Variants in FASTKD2 observed in about 807,000 individuals in gnomAD.
FASTKD2 encodes FAST kinase domain-containing protein 2, mitochondrial.
A neutral mutation model predicts 63.6 loss-of-function variants in FASTKD2; 51 were observed. The ratio of observed to expected loss-of-function variants is 0.80; its 90% confidence interval spans 0.64 to 1.01. The LOEUF is 1.01. Among genes scored for constraint, FASTKD2 ranks in the 50% least tolerant of loss-of-function variants. FASTKD2 has a pLI of 0.00. For missense variants in FASTKD2, 786 were observed against 831.1 expected (o/e 0.95, Z 0.67); for synonymous variants, 284 against 293.4 (o/e 0.97, Z 0.33).
rs535596896 is a variant in FASTKD2, at chr2:206,767,324, C to G, written c.631C>G (p.Pro211Ala). ...TGAAAAACGACTGATGTTTAGCCAC[C>G]CTGCATTTAATCAGCTCTGTGAACA... ...RFEKRLMFSHPAFNQLCEHMM... is the reference protein window; with the variant it reads ...RFEKRLMFSHAAFNQLCEHMM... Residue 211 changes from proline to alanine, a missense_variant, in exon 2 of 12, where the codon CCT (proline) becomes GCT (alanine). Pro to Ala is a conservative substitution (Grantham distance 27). Transcript: ENST00000402774. 1 of 1,614,130 alleles carries G rather than the reference C, an allele frequency of 6.2e-7. No individual in the cohort carries two copies. The highest frequency in any genetic ancestry group is 2.2e-5 in the East Asian group (1 of 44,872).
At position 206,771,068 on chromosome 2, in the gene FASTKD2, C is replaced by A. The variant is rs373736857; in HGVS notation, c.882-114C>A. On this transcript the variant is annotated intron_variant, in intron 3 of 11. Transcript: ENST00000402774. Reference sequence around the variant, plus strand: ...ACTCTCTCAAGCAGGTAGATCATTTCTCTGGGCTTCATAATCCTTGCCTGT... The same window carrying A: ...ACTCTCTCAAGCAGGTAGATCATTTATCTGGGCTTCATAATCCTTGCCTGT... 1.3e-4 allele frequency: 92 copies of A among 688,350 alleles called. No individual in the cohort carries two copies. In the African/African-American group the frequency reaches 1.4e-3, roughly 10 times the overall value. 42.6% of individuals were successfully genotyped at this position (688,350 alleles called of 1,614,324 possible). A position where few individuals can be genotyped will look rare whatever the true frequency, so the allele number is the denominator to read the frequency against.
Position 206,793,284 on chromosome 2 carries a change from C to T in FASTKD2, c.*1482C>T, listed in dbSNP as rs1356481642. Among the ~76,000 whole-genome samples, 4 of 149,054 alleles carry T rather than the reference C, an allele frequency of 2.7e-5. No individual in the cohort carries two copies. The highest frequency in any genetic ancestry group is 2.7e-4 in the Admixed American group (4 of 14,956). On this transcript the variant is annotated 3_prime_UTR_variant, in exon 12 of 12. Coordinates refer to ENST00000402774, the MANE Select transcript of FASTKD2 (RefSeq NM_001136193.2). ...ACTATAGCAATATGACAACAGCTGC[C>T]AGGTTGTATCAATTTATCCAGCTTG...
At chr2:206,770,794 A>G (rs981062062) in intron 3 of FASTKD2, among the ~76,000 whole-genome samples, 3 of 152,108 alleles carry the variant, frequency 2.0e-5, no homozygotes, top group Non-Finnish European at 4.4e-5. Context: ...TATTTAATTC[A>G]GAATAGTTAT....
chr2:206,782,182 C>G (rs1424509591), intron 7 of FASTKD2, among the ~76,000 whole-genome samples: 1 of 152,150 alleles, frequency 6.6e-6, no homozygotes, highest in Non-Finnish European at 1.5e-5. Flanking sequence ...GCACACTCTA[C>G]TCTCTCCCTC....
rs1690361164 is a variant in FASTKD2, at chr2:206,793,734, G to A, written c.*1932G>A. Among the ~76,000 whole-genome samples, 1 of 152,066 alleles carries A rather than the reference G, an allele frequency of 6.6e-6. No individual in the cohort carries two copies. Among genetic ancestry groups the A allele is most frequent in the South Asian group, 2.1e-4 (1 of 4,822 alleles). ...ATTTTCAGTTTGTACTAGTTAACCT[G>A]GCAGATAAAAAGGCATCCCTCTTTT... On this transcript the variant is annotated 3_prime_UTR_variant, in exon 12 of 12. Coordinates refer to ENST00000402774, the MANE Select transcript of FASTKD2 (RefSeq NM_001136193.2).
chr2:206,767,151 G>T lies in FASTKD2; in HGVS notation c.458G>T (p.Arg153Leu). 1 of 1,614,120 alleles carries T rather than the reference G, an allele frequency of 6.2e-7. No individual in the cohort carries two copies. The highest frequency in any genetic ancestry group is 8.5e-7 in the Non-Finnish European group (1 of 1,179,960). Residue 153 changes from arginine to leucine, a missense_variant, in exon 2 of 12, where the codon CGT becomes CTT. Coordinates refer to ENST00000402774, the MANE Select transcript of FASTKD2 (RefSeq NM_001136193.2). ...DVLTKETKPN[R>L]ISSRKLSEEC... ...CTTACCAAGGAAACAAAACCAAACC[G>T]TATCAGCAGTAGAAAACTGTCTGAG...
At chr2:206,786,567 G>A in intron 7 of FASTKD2, 166 bp from the exon 8 acceptor site, 1 of 679,294 alleles carries the variant, frequency 1.5e-6, no homozygotes, top group Admixed American at 2.2e-5. Flanking sequence ...TACAGCAATA[G>A]CCAACATTTA....
chr2:206,786,211 A>C (rs1445095090), intron 7 of FASTKD2, among the ~76,000 whole-genome samples: 1 of 152,192 alleles, frequency 6.6e-6, no homozygotes. Flanking sequence ...GTGCTTAACC[A>C]CGTTATACTG....
chr2:206,776,129 A>AATAT (rs545093520), intron 7 of FASTKD2, among the ~76,000 whole-genome samples: 1 of 151,118 alleles, frequency 6.6e-6, no homozygotes, highest in Non-Finnish European at 1.5e-5. Flanking sequence ...ACATACTACA[A>AATAT]ATATATATAT....
chr2:206,790,737 A>G, intron 11 of FASTKD2, 51 bp downstream of exon 11: 1 of 1,067,432 alleles, frequency 9.4e-7, no homozygotes, highest in Non-Finnish European at 1.5e-6. Context: ...TGTACATTCT[A>G]ACAGCTGCCA....
intron 11 of FASTKD2, chr2:206,791,336 C>T (rs1239186359): frequency 1.1e-5 from 3 of 265,296 alleles, no homozygotes; most frequent in South Asian, 4.7e-5. Flanking sequence ...AAATGGATTA[C>T]GTGTGGACTA....
At chr2:206,779,317 CT>C (rs568861573) in intron 7 of FASTKD2, among the ~76,000 whole-genome samples, 2 of 151,282 alleles carry the variant, frequency 1.3e-5, no homozygotes, top group Non-Finnish European at 3.0e-5. Context: ...ATAGTTTGGT[CT>C]TTTTTTTTAA....
chr2:206,774,318 TC>T lies in FASTKD2; in HGVS notation c.1351del (p.Leu451Ter). 6.2e-7 allele frequency: 1 copy of T among 1,603,638 alleles called. No individual in the cohort carries two copies. Among genetic ancestry groups the T allele is most frequent in the Non-Finnish European group, 8.5e-7 (1 of 1,170,980 alleles). On this transcript the variant is annotated frameshift_variant, in exon 7 of 12. Coordinates refer to ENST00000402774, the MANE Select transcript of FASTKD2 (RefSeq NM_001136193.2). LOFTEE classifies it high-confidence loss of function. ...FMKRIVEDPE[S>X]LNMKNILSIL... Reference sequence around the variant, plus strand: ...GAAGAGAATAGTAGAGGATCCTGAATCCCTAAACATGAAAAACATTCTATCT... The same window carrying T: ...GAAGAGAATAGTAGAGGATCCTGAATCCTAAACATGAAAAACATTCTATCT...
At chr2:206,769,079 G>A (rs1298303557) in intron 2 of FASTKD2, among the ~76,000 whole-genome samples, 1 of 152,190 alleles carries the variant, frequency 6.6e-6, no homozygotes, top group Non-Finnish European at 1.5e-5. Flanking sequence ...CAAAACATCT[G>A]TATGGATGAT....
chr2:206,793,039 C>G lies in FASTKD2; in HGVS notation c.*1237C>G, dbSNP rs1442637672. On this transcript the variant is annotated 3_prime_UTR_variant, in exon 12 of 12. Transcript: ENST00000402774. ...GAGGTCAAGACAATCCTGGCCAACACGGTGAAACCCCATCTCTACTAAAAT... is the reference window on the plus strand; with the variant it reads ...GAGGTCAAGACAATCCTGGCCAACAGGGTGAAACCCCATCTCTACTAAAAT... Among the ~76,000 whole-genome samples, 1 of 151,818 alleles carries G rather than the reference C, an allele frequency of 6.6e-6. No individual in the cohort carries two copies. The highest frequency in any genetic ancestry group is 1.5e-5 in the Non-Finnish European group (1 of 67,962).
chr2:206,786,067 T>C (rs1690130443), intron 7 of FASTKD2, among the ~76,000 whole-genome samples: 1 of 152,230 alleles, frequency 6.6e-6, no homozygotes, highest in African/African-American at 2.4e-5. Flanking sequence ...ATGTATTTCT[T>C]TTTTTATATA....
intron 1 of FASTKD2, among the ~76,000 whole-genome samples, chr2:206,766,399 C>CT (rs1462345007): frequency 3.3e-5 from 5 of 151,836 alleles, no homozygotes; most frequent in African/African-American, 9.7e-5. Flanking sequence ...TTATGGAACG[C>CT]TTTTGCACCA....
In FASTKD2 at chr2:206,786,849, C is replaced by A; in HGVS notation, c.1544C>A (p.Pro515His). The A allele has an allele frequency of 6.3e-7, 1 of 1,596,892 alleles. No homozygotes were observed. Among genetic ancestry groups the A allele is most frequent in the South Asian group, 1.1e-5 (1 of 90,776 alleles). The part of the protein sequence containing the change: ...FCLMNYFPLA[P>H]FNQLLQKDII... Reference sequence around the variant, plus strand: ...TTGATGAATTACTTTCCCCTGGCTCCTTTTAATCAGCTTCTGCAAAAAGAC... The same window carrying A: ...TTGATGAATTACTTTCCCCTGGCTCATTTTAATCAGCTTCTGCAAAAAGAC... Residue 515 changes from proline to histidine, a missense_variant, in exon 8 of 12, where the codon CCT (proline) becomes CAT (histidine). Transcript: ENST00000402774.
rs967227512 is a variant in FASTKD2, at chr2:206,790,649, T to A, written c.1976T>A (p.Met659Lys). The change falls in exon 11 of 12, where the codon ATG becomes AAG. Residue 659 changes from methionine to lysine, a missense_variant. Physicochemically the swap from Met to Lys is moderately conservative, Grantham distance 95. Coordinates refer to ENST00000402774, the MANE Select transcript of FASTKD2 (RefSeq NM_001136193.2). ...SHPRGFLAMKMRHLNAMGFHV... is the reference protein window; with the variant it reads ...SHPRGFLAMKKRHLNAMGFHV... Reference sequence around the variant, plus strand: ...CCCAGAGGATTCCTTGCTATGAAAATGCGGCATTTGAATGCAATGGGTTTT... The same window carrying A: ...CCCAGAGGATTCCTTGCTATGAAAAAGCGGCATTTGAATGCAATGGGTTTT... 1 of 1,612,974 alleles carries A rather than the reference T, an allele frequency of 6.2e-7. No individual in the cohort carries two copies. The highest frequency in any genetic ancestry group is 1.1e-5 in the South Asian group (1 of 91,060).
Sources: allele counts gnomAD v4.1 joint callset (sites outside exome capture counted in the v4.1 genomes callset), GRCh38; gene constraint gnomAD v4.1.1; transcripts MANE v1.5; gene names NCBI Gene and HGNC (gene_info 2026-07-23, HGNC 2026-07-21).